Variants in MCTP1 observed in about 807,000 individuals in gnomAD.
The protein encoded by MCTP1 is multiple C2 and transmembrane domain-containing protein 1.
A neutral mutation model predicts 120.6 loss-of-function variants in MCTP1; 69 were observed. The ratio of observed to expected loss-of-function variants is 0.57; its 90% confidence interval spans 0.47 to 0.70. The LOEUF is 0.70. Among genes scored for constraint, MCTP1 ranks in the 30% least tolerant of loss-of-function variants. MCTP1 has a pLI of 0.00. For missense variants in MCTP1, 1,203 were observed against 1,248.8 expected (o/e 0.96, Z 0.55); for synonymous variants, 529 against 493.1 (o/e 1.07, Z -0.96).
intron 10 of MCTP1, among the ~76,000 whole-genome samples, chr5:94,904,499 C>T (rs146208130): frequency 5.3e-5 from 8 of 152,130 alleles, no homozygotes; most frequent in South Asian, 2.1e-4. Context: ...CAGACAGCTC[C>T]GTAGATATCA....
intron 19 of MCTP1, among the ~76,000 whole-genome samples, chr5:94,750,989 G>A (rs1474877062): frequency 1.3e-5 from 2 of 152,116 alleles, no homozygotes; most frequent in Non-Finnish European, 2.9e-5. Flanking sequence ...GGATTCCTTT[G>A]GAAAGAGAAT....
At chr5:95,017,789 A>T (rs1015392399) in intron 1 of MCTP1, among the ~76,000 whole-genome samples, 1 of 152,154 alleles carries the variant, frequency 6.6e-6, no homozygotes, top group African/African-American at 2.4e-5. Flanking sequence ...AAATATGAAC[A>T]TAGAAATACT....
chr5:95,007,472 A>G (rs562041501), intron 2 of MCTP1, among the ~76,000 whole-genome samples: 24 of 152,320 alleles, frequency 1.6e-4, no homozygotes, highest in African/African-American at 5.8e-4. Context: ...TGCATAATAC[A>G]TACTAGAAAT....
chr5:95,235,980 T>C (rs1054580314), intron 1 of MCTP1, among the ~76,000 whole-genome samples: 3 of 152,184 alleles, frequency 2.0e-5, no homozygotes, highest in Non-Finnish European at 4.4e-5. Flanking sequence ...ATAAACCTAC[T>C]GAAGCAACAT....
chr5:95,015,948 A>G (rs1446568052), intron 2 of MCTP1, among the ~76,000 whole-genome samples: 1 of 152,244 alleles, frequency 6.6e-6, no homozygotes, highest in South Asian at 2.1e-4. Context: ...TATAACTGAG[A>G]GTACTTTGAA....
intron 1 of MCTP1, among the ~76,000 whole-genome samples, chr5:95,145,522 C>T (rs867842913): frequency 1.3e-5 from 2 of 152,042 alleles, no homozygotes; most frequent in Admixed American, 6.5e-5. Context: ...ATGATGTTGA[C>T]TGTGGGTTTG....
intron 17 of MCTP1, among the ~76,000 whole-genome samples, chr5:94,828,152 T>C (rs1166681326): frequency 2.0e-5 from 3 of 152,186 alleles, no homozygotes; most frequent in Non-Finnish European, 4.4e-5. Context: ...TGCGTGGTCA[T>C]CCTTTTTGTT....
chr5:95,268,914 C>T (rs929264167), intron 1 of MCTP1, among the ~76,000 whole-genome samples: 3 of 152,270 alleles, frequency 2.0e-5, no homozygotes, highest in South Asian at 2.1e-4. Context: ...GGGTTGGACC[C>T]GGCAAGCAGA....
chr5:94,941,425 A>G (rs1314117092), intron 4 of MCTP1, among the ~76,000 whole-genome samples: 1 of 152,076 alleles, frequency 6.6e-6, no homozygotes, highest in African/African-American at 2.4e-5. Context: ...AAGACCAATA[A>G]GCCATTGTGC....
At chr5:95,137,691 T>C (rs1181111829) in intron 1 of MCTP1, among the ~76,000 whole-genome samples, 1 of 152,254 alleles carries the variant, frequency 6.6e-6, no homozygotes, top group Non-Finnish European at 1.5e-5. Context: ...CCATTTCATC[T>C]ATATTTTCCC....
chr5:95,117,482 T>TCAG (rs1012730464), intron 1 of MCTP1, among the ~76,000 whole-genome samples: 11 of 149,898 alleles, frequency 7.3e-5, no homozygotes, highest in African/African-American at 2.7e-4. Flanking sequence ...TTCATGCCAG[T>TCAG]CAGAATGGTG....
intron 1 of MCTP1, among the ~76,000 whole-genome samples, chr5:95,059,272 C>T (rs1299554848): frequency 6.6e-6 from 1 of 151,892 alleles, no homozygotes; most frequent in Non-Finnish European, 1.5e-5. Context: ...AACATGGATG[C>T]AGCTGGTGGC....
intron 1 of MCTP1, among the ~76,000 whole-genome samples, chr5:95,137,949 A>T (rs1418861065): frequency 6.6e-6 from 1 of 152,198 alleles, no homozygotes; most frequent in Non-Finnish European, 1.5e-5. Context: ...GAATAGTATG[A>T]CTATTGAATT....
rs547990382 is a variant in MCTP1, at chr5:94,881,602, G to GGT, written c.1933+7275_1933+7276dup. Among the ~76,000 whole-genome samples, 409 of 151,302 alleles carry GGT rather than the reference G, an allele frequency of 2.7e-3. 1 individual carries two copies. Among genetic ancestry groups the GGT allele is most frequent in the African/African-American group, 6.2e-3 (257 of 41,328 alleles). ...ATGCCTGCCCTGCCATTTACAAGCTGGTGTGTGTGTGTGTGTTGATCGTGG... is the reference window on the plus strand; with the variant it reads ...ATGCCTGCCCTGCCATTTACAAGCTGGTGTGTGTGTGTGTGTGTTGATCGTGG... On this transcript the variant is annotated intron_variant, in intron 12 of 22. Transcript: ENST00000515393.
chr5:94,741,346 T>C (rs1276831869), intron 19 of MCTP1, among the ~76,000 whole-genome samples: 3 of 152,242 alleles, frequency 2.0e-5, no homozygotes, highest in Non-Finnish European at 2.9e-5. Flanking sequence ...ACTCGTTTAT[T>C]CATTTCAAGC....
intron 12 of MCTP1, among the ~76,000 whole-genome samples, chr5:94,876,672 C>T (rs976186176): frequency 2.0e-5 from 3 of 151,996 alleles, no homozygotes; most frequent in East Asian, 1.9e-4. Context: ...AAGAGTCAAT[C>T]CCTCTCCCTA....
chr5:94,932,709 A>G (rs970205419), intron 5 of MCTP1, among the ~76,000 whole-genome samples: 1 of 152,032 alleles, frequency 6.6e-6, no homozygotes, highest in Non-Finnish European at 1.5e-5. Flanking sequence ...AAATTTCTCA[A>G]TGAACACTGA....
At chr5:94,752,145 ATTC>A in intron 19 of MCTP1, among the ~76,000 whole-genome samples, 1 of 120,664 alleles carries the variant, frequency 8.3e-6, no homozygotes, top group Admixed American at 8.8e-5. Flanking sequence ...ATATATATAT[ATTC>A]AAAATAGCTT....
Position 95,084,536 on chromosome 5 carries a change from G to GT in MCTP1, c.721-67053dup, listed in dbSNP as rs79057275. Among the ~76,000 whole-genome samples the GT allele has an allele frequency of 6.4e-3, 864 of 136,058 alleles. 8 individuals are homozygous for GT. Among genetic ancestry groups the GT allele is most frequent in the African/African-American group, 0.018 (667 of 37,336 alleles). 89.3% of individuals were successfully genotyped at this position (136,058 alleles called of 152,430 possible). Reference sequence around the variant, plus strand: ...CTAAAACTGGCCAAGGTCTTTGGGTGTTTTTTTTTTTTTTCCTCTTGGCCT... The same window carrying GT: ...CTAAAACTGGCCAAGGTCTTTGGGTGTTTTTTTTTTTTTTTCCTCTTGGCCT... On this transcript the variant is annotated intron_variant, in intron 1 of 22. Coordinates refer to ENST00000515393, the MANE Select transcript of MCTP1 (RefSeq NM_024717.7).
Sources: gnomAD v4.1 joint callset for allele counts (sites outside exome capture counted in the v4.1 genomes callset) on GRCh38, gnomAD v4.1.1 for gene constraint, MANE v1.5 for transcripts, NCBI Gene and HGNC (gene_info 2026-07-23, HGNC 2026-07-21) for gene names.